Variants in ZNF721 observed in about 807,000 individuals in gnomAD.
ZNF721 encodes the protein zinc finger protein 721.
In ZNF721, 2 loss-of-function variants were observed where a neutral mutation model predicts 2.4. That is an observed-to-expected ratio of 0.82 (90% CI 0.34 to 2.58). ZNF721 has a LOEUF of 2.58. ZNF721 is among the 30% of genes most tolerant of loss of function. The probability of loss-of-function intolerance (pLI) is 0.11; values close to 1 mark genes in which losing one functional copy is unlikely to be tolerated. For synonymous variants in ZNF721, 398 were observed against 381.8 expected, an observed-to-expected ratio of 1.04 and a Z score of -0.50; for missense variants, 1,187 against 1,085.5, an observed-to-expected ratio of 1.09 and a Z score of -1.31.
chr4:470,463 G>C (rs536580572), intron 2 of ZNF721, among the ~76,000 whole-genome samples: 2 of 152,200 alleles, frequency 1.3e-5, no homozygotes, highest in East Asian at 3.9e-4. Flanking sequence ...CTGATAACAA[G>C]TTAATTTTGG....
intron 1 of ZNF721, among the ~76,000 whole-genome samples, chr4:480,183 C>A (rs1715737380): frequency 6.6e-6 from 1 of 151,846 alleles, no homozygotes; most frequent in South Asian, 2.1e-4. Context: ...AAAAACATAA[C>A]CCCAACTTTC....
At chr4:470,854 G>A (rs1383185712) in intron 2 of ZNF721, among the ~76,000 whole-genome samples, 2 of 151,990 alleles carry the variant, frequency 1.3e-5, no homozygotes, top group Non-Finnish European at 2.9e-5. Flanking sequence ...ACAAAACTTA[G>A]CTGGGTGTGG....
intron 2 of ZNF721, among the ~76,000 whole-genome samples, chr4:468,075 C>T (rs1018726209): frequency 3.9e-5 from 6 of 152,106 alleles, no homozygotes; most frequent in South Asian, 4.2e-4. Flanking sequence ...GTCAGGAGAT[C>T]GAGACCGCGG....
chr4:482,045 T>C (rs1375041106), intron 1 of ZNF721, among the ~76,000 whole-genome samples: 1 of 152,234 alleles, frequency 6.6e-6, no homozygotes, highest in Non-Finnish European at 1.5e-5. Context: ...ACTTGGTGTA[T>C]AAATGACCGA....
In ZNF721 at chr4:499,110, C is replaced by G; in HGVS notation, c.-148G>C. The G allele has an allele frequency of 1.8e-6, 1 of 563,614 alleles. No homozygotes were observed. Among genetic ancestry groups the G allele is most frequent in the South Asian group, 2.4e-5 (1 of 42,368 alleles). The allele number at this position is 563,614 out of a possible 1,614,324, so 34.9% of individuals were successfully genotyped here. A position where few individuals can be genotyped will look rare whatever the true frequency, so the allele number is the denominator to read the frequency against. ...CGCCGGGAAGACGGCCCCACGGAGC[C>G]GGGAACACCGCCCGCTGTTCGTATG... is the stretch of plus-strand genomic sequence containing the variant. On this transcript the variant is annotated 5_prime_UTR_variant, in exon 1 of 3. Coordinates refer to ENST00000511833, the MANE Select transcript of ZNF721 (RefSeq NM_133474.4).
At chr4:471,024 T>C (rs1257958524) in intron 2 of ZNF721, among the ~76,000 whole-genome samples, 1 of 151,238 alleles carries the variant, frequency 6.6e-6, no homozygotes, top group Non-Finnish European at 1.5e-5. Context: ...GAAGTTAATA[T>C]CCATATCCAA....
At chr4:496,512 C>G (rs1006041155) in intron 1 of ZNF721, among the ~76,000 whole-genome samples, 88 of 151,900 alleles carry the variant, frequency 5.8e-4, no homozygotes, top group Admixed American at 2.0e-3. Context: ...GAGAATGCCC[C>G]GAAAAGCTGA....
intron 2 of ZNF721, 118 bp from the exon 3 acceptor site, chr4:444,550 C>G: frequency 9.6e-7 from 1 of 1,043,520 alleles, no homozygotes; most frequent in Non-Finnish European, 1.3e-6. Flanking sequence ...TACCACAAGT[C>G]ATAACTTCTT....
chr4:489,117 T>A (rs368923329), intron 1 of ZNF721, among the ~76,000 whole-genome samples: 1 of 152,166 alleles, frequency 6.6e-6, no homozygotes, highest in East Asian at 1.9e-4. Context: ...TACTGACCTA[T>A]GTATTTTGGT....
intron 1 of ZNF721, among the ~76,000 whole-genome samples, chr4:492,244 GA>G (rs1345837709): frequency 2.0e-5 from 3 of 151,134 alleles, no homozygotes; most frequent in Non-Finnish European, 2.9e-5. Context: ...CTTTATAACT[GA>G]ATAGAAATTA....
At chr4:471,592 TATAAGTTGA>T (rs1300485633) in intron 2 of ZNF721, among the ~76,000 whole-genome samples, 6 of 152,164 alleles carry the variant, frequency 3.9e-5, no homozygotes, top group African/African-American at 7.2e-5. Flanking sequence ...AATTTTTAGT[TATAAGTTGA>T]ATAAGTTGAA....
Position 441,846 on chromosome 4 carries a change from A to C in ZNF721, c.2621T>G (p.Phe874Cys). The change falls in exon 3 of 3, where the codon TTT becomes TGT. Residue 874 changes from phenylalanine to cysteine, a missense_variant. By Grantham distance (205) the Phe-to-Cys change is radical (BLOSUM62 -2). Transcript: ENST00000511833. The part of the protein sequence containing the change: ...PYTCGECGKT[F>C]RQSANLYAHK... ...CGCATAAAGATTTGCAGACTGTCTA[A>C]AGGTTTTGCCACATTCTCCACATGT... 6.2e-7 allele frequency: 1 copy of C among 1,614,022 alleles called. No homozygotes were observed. Among genetic ancestry groups the C allele is most frequent in the Non-Finnish European group, 8.5e-7 (1 of 1,179,990 alleles).
Position 444,219 on chromosome 4 carries a change from C to CA in ZNF721, c.247dup (p.Cys83LeufsTer2). ...ACTAAAAACTTTGACACGTGCATTA[C>CA]ATTGAAATATTTTGCTCTGAGTATT... On this transcript the variant is annotated frameshift_variant, in exon 3 of 3. Coordinates refer to ENST00000511833, the MANE Select transcript of ZNF721 (RefSeq NM_133474.4). LOFTEE classifies it low-confidence loss of function (END_TRUNC). 1 of 1,613,684 alleles carries CA rather than the reference C, an allele frequency of 6.2e-7. No homozygotes were observed. Among genetic ancestry groups the CA allele is most frequent in the Non-Finnish European group, 8.5e-7 (1 of 1,179,706 alleles).
chr4:468,550 T>C (rs1362688543), intron 2 of ZNF721, among the ~76,000 whole-genome samples: 1 of 152,166 alleles, frequency 6.6e-6, no homozygotes, highest in Non-Finnish European at 1.5e-5. Context: ...CTGCCTGCCA[T>C]ATAGATTAAT....
intron 2 of ZNF721, among the ~76,000 whole-genome samples, chr4:450,773 T>C (rs1337935978): frequency 1.3e-5 from 2 of 151,082 alleles, no homozygotes; most frequent in African/African-American, 4.9e-5. Context: ...CCATCTCTAC[T>C]AAACATACAA....
intron 1 of ZNF721, among the ~76,000 whole-genome samples, chr4:482,101 T>C (rs1298656704): frequency 6.6e-6 from 1 of 152,264 alleles, no homozygotes; most frequent in African/African-American, 2.4e-5. Flanking sequence ...TGAGACATTG[T>C]TGATGAAATG....
intron 1 of ZNF721, among the ~76,000 whole-genome samples, chr4:484,987 C>G (rs1406803228): frequency 1.3e-5 from 2 of 152,138 alleles, no homozygotes; most frequent in Non-Finnish European, 2.9e-5. Context: ...AGACACCCAG[C>G]TTTAAAATTT....
At chr4:480,497 G>C (rs952033737) in intron 1 of ZNF721, among the ~76,000 whole-genome samples, 1 of 152,042 alleles carries the variant, frequency 6.6e-6, no homozygotes, top group African/African-American at 2.4e-5. Context: ...CAAACCTCTA[G>C]AACTTTCACA....
chr4:498,699 G>T (rs1044112701), intron 1 of ZNF721, among the ~76,000 whole-genome samples: 6 of 150,632 alleles, frequency 4.0e-5, no homozygotes, highest in Admixed American at 2.6e-4. Context: ...ATATTTACCA[G>T]TTGTCTGAGG....
Sources: allele counts gnomAD v4.1 joint callset (sites outside exome capture counted in the v4.1 genomes callset), GRCh38; gene constraint gnomAD v4.1.1; transcripts MANE v1.5; gene names NCBI Gene and HGNC (gene_info 2026-07-23, HGNC 2026-07-21).